PCDH7: variants seen among roughly 807,000 people sequenced by gnomAD.
PCDH7 encodes the protein protocadherin-7.
In PCDH7, 17 loss-of-function variants were observed where a neutral mutation model predicts 58.9. The ratio of observed to expected loss-of-function variants is 0.29; its 90% CI spans 0.20 to 0.43. The LOEUF is 0.43. Among genes scored for constraint, PCDH7 ranks in the 20% least tolerant of loss-of-function variants. PCDH7 has a pLI of 1.00. For missense variants in PCDH7, 1,274 were observed against 1,441.0 expected (o/e 0.88, Z 1.88); for synonymous variants, 664 against 616.4 (o/e 1.08, Z -1.14).
At chr4:30,841,900 A>G (rs968356157) in intron 1 of PCDH7, among the ~76,000 whole-genome samples, 3 of 152,134 alleles carry the variant, frequency 2.0e-5, no homozygotes, top group Non-Finnish European at 4.4e-5. Flanking sequence ...TGAGACAGAT[A>G]ATCCTCTGGT....
At chr4:30,747,653 C>T (rs1402784682) in intron 1 of PCDH7, among the ~76,000 whole-genome samples, 1 of 152,214 alleles carries the variant, frequency 6.6e-6, no homozygotes, top group East Asian at 1.9e-4. Context: ...ACATTGGGTC[C>T]ATCTGGATAA....
intron 1 of PCDH7, among the ~76,000 whole-genome samples, chr4:30,798,600 T>C (rs1332507945): frequency 6.6e-6 from 1 of 152,210 alleles, no homozygotes; most frequent in Non-Finnish European, 1.5e-5. Flanking sequence ...AGTTAAACTA[T>C]TTATGTGTGA....
chr4:30,722,574 G>C lies in PCDH7; in HGVS notation c.1152G>C (p.Thr384=). 1 of 1,612,914 alleles carries C rather than the reference G, an allele frequency of 6.2e-7. No individual in the cohort carries two copies. The highest frequency in any genetic ancestry group is 8.5e-7 in the Non-Finnish European group (1 of 1,180,014). ...AGGAGGTGAACCAGCTGCGCTTCAC[G>C]GTCATGGCCCGCGACCGCGGGCAGC... Residue 384 remains threonine (T), a synonymous_variant, in exon 1 of 2, where the codon ACG becomes ACC. Coordinates refer to ENST00000361762, the Ensembl canonical transcript of PCDH7. This position sits in a 1 kb window ranked among gnomAD's most constrained non-coding sequence, Gnocchi z 7.6.
chr4:31,079,290 G>T (rs576372015), intron 3 of PCDH7, among the ~76,000 whole-genome samples: 1 of 97,838 alleles, frequency 1.0e-5, no homozygotes, highest in Non-Finnish European at 1.9e-5. Context: ...GTGTGTAAAA[G>T]ATATTTACAA....
intron 1 of PCDH7, among the ~76,000 whole-genome samples, chr4:30,849,785 A>G (rs73214905): frequency 0.035 from 5,352 of 151,894 alleles, 233 homozygotes; most frequent in African/African-American, 0.1. Flanking sequence ...CTTTTCTGGT[A>G]TTTCTTTAAT....
At chr4:31,079,446 G>A (rs1350923356) in intron 3 of PCDH7, among the ~76,000 whole-genome samples, 3 of 147,204 alleles carry the variant, frequency 2.0e-5, no homozygotes, top group South Asian at 2.2e-4. Context: ...AAAGTTGCTC[G>A]ATATCTCTAG....
chr4:30,973,024 A>G (rs7697578), intron 3 of PCDH7, among the ~76,000 whole-genome samples: 58,598 of 152,008 alleles, frequency 0.39, 13,129 homozygotes, highest in African/African-American at 0.63. Context: ...TACCTTTTCC[A>G]ACCTTTCAAA....
intron 3 of PCDH7, among the ~76,000 whole-genome samples, chr4:31,127,178 C>T (rs892760506): frequency 1.3e-5 from 2 of 152,162 alleles, no homozygotes; most frequent in Non-Finnish European, 2.9e-5. Flanking sequence ...ACTCACTGTA[C>T]TCCCTTCAAA....
intron 1 of PCDH7, among the ~76,000 whole-genome samples, chr4:30,894,116 G>A (rs1738970812): frequency 2.0e-5 from 3 of 152,108 alleles, no homozygotes; most frequent in Middle Eastern, 3.4e-3. Context: ...TATTTCTGTA[G>A]GAATATGAAC....
chr4:30,971,898 G>A (rs1245375942), intron 3 of PCDH7, among the ~76,000 whole-genome samples: 1 of 152,148 alleles, frequency 6.6e-6, no homozygotes, highest in Non-Finnish European at 1.5e-5. Flanking sequence ...GGAGGTCGAG[G>A]CTGCATGAGC....
intron 2 of PCDH7, among the ~76,000 whole-genome samples, chr4:30,934,602 G>C (rs1387673370): frequency 6.6e-6 from 1 of 151,794 alleles, no homozygotes; most frequent in South Asian, 2.1e-4. Context: ...ACCATCTCAT[G>C]CACAGTTTCT....
At chr4:30,809,443 A>C (rs1220325798) in intron 1 of PCDH7, among the ~76,000 whole-genome samples, 1 of 152,180 alleles carries the variant, frequency 6.6e-6, no homozygotes, top group Non-Finnish European at 1.5e-5. Context: ...TACGGTGGTC[A>C]AATGCAAGAA....
chr4:30,795,661 C>G (rs888116564), intron 1 of PCDH7, among the ~76,000 whole-genome samples: 2 of 152,164 alleles, frequency 1.3e-5, no homozygotes, highest in African/African-American at 4.8e-5. Flanking sequence ...ATTTTAAACC[C>G]TAATTTCCCT....
chr4:30,891,116 A>G (rs77993715), intron 1 of PCDH7, among the ~76,000 whole-genome samples: 5,514 of 152,174 alleles, frequency 0.036, 329 homozygotes, highest in African/African-American at 0.13. Flanking sequence ...ATGGTCTCTA[A>G]TTGCCCCTCT....
chr4:30,958,216 T>C (rs1748051747), intron 3 of PCDH7, among the ~76,000 whole-genome samples: 2 of 151,986 alleles, frequency 1.3e-5, no homozygotes, highest in African/African-American at 4.8e-5. Flanking sequence ...CACAAGAAAT[T>C]AAGTGTACTG....
intron 3 of PCDH7, among the ~76,000 whole-genome samples, chr4:31,026,104 A>G (rs142102375): frequency 3.9e-5 from 6 of 152,338 alleles, no homozygotes; most frequent in Non-Finnish European, 8.8e-5. Context: ...TTGAGGTCAC[A>G]TTGACTTTGG....
upstream of PCDH7, chr4:30,720,403 G>A (rs1028609299): frequency 1.3e-5 from 2 of 152,742 alleles, no homozygotes; most frequent in Non-Finnish European, 2.9e-5. The surrounding 1 kb of genome is among the most constrained non-coding windows in gnomAD (Gnocchi z 4.7). Context: ...CCACTGCTCC[G>A]ACATGCGGGC....
intron 3 of PCDH7, among the ~76,000 whole-genome samples, chr4:31,105,044 A>G (rs1715374897): frequency 6.6e-6 from 1 of 152,138 alleles, no homozygotes; most frequent in South Asian, 2.1e-4. Flanking sequence ...AAACGGCTTC[A>G]TTTTGACCCA....
chr4:30,969,497 G>A (rs921229765), intron 3 of PCDH7, among the ~76,000 whole-genome samples: 5 of 152,122 alleles, frequency 3.3e-5, no homozygotes, highest in African/African-American at 1.2e-4. Flanking sequence ...TAACTATTCA[G>A]AGAAGACTAG....
Sources: allele counts gnomAD v4.1 joint callset (sites outside exome capture counted in the v4.1 genomes callset), GRCh38; gene constraint gnomAD v4.1.1; non-coding constraint Gnocchi (gnomAD v3.1); transcripts MANE v1.5; gene names NCBI Gene and HGNC (gene_info 2026-07-23, HGNC 2026-07-21).